OTOGL: variants seen among roughly 807,000 people sequenced by gnomAD.
OTOGL encodes otogelin like, also known as otogelin-like protein.
In OTOGL, 285 loss-of-function variants were observed where a neutral mutation model predicts 318.5. That is an observed-to-expected ratio of 0.89 (90% CI 0.81 to 0.99). The LOEUF (loss-of-function observed/expected upper bound fraction) is 0.99. Among genes scored for constraint, OTOGL ranks in the 50% least tolerant of loss-of-function variants. OTOGL has a pLI of 0.00. For synonymous variants in OTOGL, 987 were observed against 936.5 expected (o/e 1.05, Z -0.99); for missense variants, 2,899 against 2,845.6 (o/e 1.02, Z -0.43).
At chr12:80,134,587 C>G (rs758450992) in intron 1 of OTOGL, among the ~76,000 whole-genome samples, 2 of 151,990 alleles carry the variant, frequency 1.3e-5, no homozygotes, top group African/African-American at 2.4e-5. Context: ...ATTGGTAGTC[C>G]ACTACTCATG....
intron 33 of OTOGL, among the ~76,000 whole-genome samples, chr12:80,320,149 C>G (rs1887227790): frequency 1.3e-5 from 2 of 151,676 alleles, no homozygotes; most frequent in South Asian, 4.1e-4. Flanking sequence ...CTTTTTTCCC[C>G]CAAGGACAAA....
intron 24 of OTOGL, among the ~76,000 whole-genome samples, chr12:80,273,177 A>C (rs1353512734): frequency 1.3e-5 from 2 of 152,112 alleles, no homozygotes; most frequent in Non-Finnish European, 2.9e-5. Context: ...GACTGTATTG[A>C]AATAAATGTG....
At position 80,378,508 on chromosome 12, in the gene OTOGL, G is replaced by A. The variant is rs1891303409; in HGVS notation, c.*460G>A. 1 of 155,372 alleles carries A rather than the reference G, an allele frequency of 6.4e-6. No individual in the cohort carries two copies. The highest frequency in any genetic ancestry group is 6.2e-5 in the Admixed American group (1 of 16,010). 9.6% of individuals were successfully genotyped at this position (155,372 alleles called of 1,614,324 possible). A position where few individuals can be genotyped will look rare whatever the true frequency, so the allele number is the denominator to read the frequency against. On this transcript the variant is annotated 3_prime_UTR_variant, in exon 59 of 59. Transcript: ENST00000547103. ...TCTAGATAGCAATAAAGAGTGATAT[G>A]CTTAGAGATAGATAATGGATTATTT...
At chr12:80,119,357 G>A (rs2137095322) in intron 1 of OTOGL, among the ~76,000 whole-genome samples, 1 of 152,322 alleles carries the variant, frequency 6.6e-6, no homozygotes, top group Non-Finnish European at 1.5e-5. Context: ...AAATGGCACA[G>A]CTTGTTAGCT....
chr12:80,329,028 A>G, intron 36 of OTOGL, 23 bp from the exon 37 acceptor site: 1 of 1,574,300 alleles, frequency 6.4e-7, no homozygotes, highest in Non-Finnish European at 8.6e-7. Context: ...AGTTTTATAA[A>G]GAGCACCTTT....
intron 31 of OTOGL, among the ~76,000 whole-genome samples, chr12:80,313,936 A>T (rs2137804635): frequency 6.6e-6 from 1 of 152,214 alleles, no homozygotes; most frequent in Admixed American, 6.5e-5. Context: ...ATGCCTATGA[A>T]GTTTCATCGT....
intron 1 of OTOGL, among the ~76,000 whole-genome samples, chr12:80,134,737 T>C (rs1023047778): frequency 6.6e-6 from 1 of 152,234 alleles, no homozygotes; most frequent in Non-Finnish European, 1.5e-5. Context: ...TTCACTGCTA[T>C]CTGCCTTAAG....
intron 1 of OTOGL, chr12:80,102,962 T>G: frequency 1.1e-6 from 1 of 884,918 alleles, no homozygotes; most frequent in Non-Finnish European, 1.9e-6. Context: ...CTTGGCGAGA[T>G]TTGGCTTTCC....
intron 1 of OTOGL, among the ~76,000 whole-genome samples, chr12:80,145,481 T>C (rs1423197837): frequency 6.6e-6 from 1 of 152,022 alleles, no homozygotes; most frequent in Non-Finnish European, 1.5e-5. Context: ...TAGTTTGAAG[T>C]CAGGTAGTGT....
chr12:80,143,220 A>C (rs947980344), intron 1 of OTOGL, among the ~76,000 whole-genome samples: 6 of 152,188 alleles, frequency 3.9e-5, no homozygotes, highest in African/African-American at 7.2e-5. Context: ...CCCATACCCC[A>C]CTATAGAGTG....
Position 80,367,694 on chromosome 12 carries a change from C to T in OTOGL, c.6465C>T (p.His2155=), listed in dbSNP as rs977654642. 6.8e-7 allele frequency: 1 copy of T among 1,463,794 alleles called. No individual in the cohort carries two copies. Among genetic ancestry groups the T allele is most frequent in the Admixed American group, 2.7e-5 (1 of 37,168 alleles). 90.7% of individuals were successfully genotyped at this position (1,463,794 alleles called of 1,614,324 possible). The change falls in exon 54 of 59, where the codon CAC becomes CAT. Residue 2155 remains histidine (H), a synonymous_variant. Coordinates refer to ENST00000547103, the MANE Select transcript of OTOGL (RefSeq NM_001378609.3). The part of the protein sequence containing the change: ...LEEKDNHTGF[H]TLNFTLVNCS... Reference sequence around the variant, plus strand: ...AAAAAGATAACCATACGGGCTTTCACACTCTGAATTTTACACTGGTGAATT... The same window carrying T: ...AAAAAGATAACCATACGGGCTTTCATACTCTGAATTTTACACTGGTGAATT...
intron 2 of OTOGL, among the ~76,000 whole-genome samples, chr12:80,209,914 A>G (rs1397721518): frequency 6.6e-6 from 1 of 152,130 alleles, no homozygotes; most frequent in Admixed American, 6.5e-5. Flanking sequence ...CAATTTAAAC[A>G]TTTGAAATTT....
At chr12:80,375,380 A>G (rs1285577531) in intron 57 of OTOGL, among the ~76,000 whole-genome samples, 2 of 152,198 alleles carry the variant, frequency 1.3e-5, no homozygotes, top group Non-Finnish European at 2.9e-5. Flanking sequence ...CTTTTTAGCC[A>G]CTGGGACCAT....
chr12:80,348,135 A>T (rs776111869), intron 44 of OTOGL, among the ~76,000 whole-genome samples: 3 of 151,862 alleles, frequency 2.0e-5, no homozygotes, highest in Non-Finnish European at 2.9e-5. Flanking sequence ...ATTAGATCCC[A>T]TTTGTCAACT....
chr12:80,246,327 A>T, intron 11 of OTOGL, among the ~76,000 whole-genome samples: 1 of 146,162 alleles, frequency 6.8e-6, no homozygotes, highest in Admixed American at 6.7e-5. Context: ...ATTATTTTGA[A>T]ATACGTCCCA....
At chr12:80,339,575 C>T (rs1254962194) in intron 43 of OTOGL, among the ~76,000 whole-genome samples, 1 of 151,878 alleles carries the variant, frequency 6.6e-6, no homozygotes, top group Non-Finnish European at 1.5e-5. Flanking sequence ...CATTATTTTA[C>T]ACATTTTAAT....
chr12:80,378,112 AT>A lies in OTOGL; in HGVS notation c.*66del, dbSNP rs1326834639. 8.0e-7 allele frequency: 1 copy of A among 1,248,878 alleles called. No homozygotes were observed. Among genetic ancestry groups the A allele is most frequent in the East Asian group, 2.6e-5 (1 of 39,040 alleles). The allele number at this position is 1,248,878 out of a possible 1,614,324, so 77.4% of individuals were successfully genotyped here. A position where few individuals can be genotyped will look rare whatever the true frequency, so the allele number is the denominator to read the frequency against. ...TCAGATAGAATTAACTTTTATTGCT[AT>A]TACTTAGGCATGTGGCAGATTTATG... On this transcript the variant is annotated 3_prime_UTR_variant, in exon 59 of 59. Transcript: ENST00000547103.
chr12:80,308,152 C>A (rs1886347079), intron 29 of OTOGL, among the ~76,000 whole-genome samples: 1 of 150,414 alleles, frequency 6.6e-6, no homozygotes. Flanking sequence ...GGGCTGACAC[C>A]CCCACCTCCC....
At chr12:80,229,467 T>C (rs1879172943) in intron 8 of OTOGL, 89 bp downstream of exon 8, 1 of 1,441,248 alleles carries the variant, frequency 6.9e-7, no homozygotes, top group Admixed American at 2.0e-5. Flanking sequence ...CTGTGGAGAG[T>C]AGGAAGAGAG....
Sources: allele counts gnomAD v4.1 joint callset (sites outside exome capture counted in the v4.1 genomes callset), GRCh38; gene constraint gnomAD v4.1.1; transcripts MANE v1.5; gene names NCBI Gene and HGNC (gene_info 2026-07-23, HGNC 2026-07-21).